GTPBP4: variants seen among roughly 807,000 people sequenced by gnomAD.
GTPBP4 encodes the protein GTP-binding protein 4.
GTPBP4 carries 15 observed loss-of-function variants against 81.7 expected under a neutral mutation model. The ratio of observed to expected loss-of-function variants is 0.18; its 90% confidence interval spans 0.12 to 0.28. The LOEUF (loss-of-function observed/expected upper bound fraction) is 0.28, where lower values mean the gene tolerates loss of function less well. Ranked by LOEUF, GTPBP4 falls within the 10% of genes least tolerant of loss-of-function variation. The pLI, the probability that GTPBP4 is intolerant of heterozygous loss-of-function variation, is 1.00. For synonymous variants in GTPBP4, 272 were observed against 274.6 expected (o/e 0.99, Z 0.09); for missense variants, 847 against 793.8 (o/e 1.07, Z -0.81).
chr10:1,015,036 G>A (rs1831950284), intron 15 of GTPBP4, among the ~76,000 whole-genome samples: 1 of 152,214 alleles, frequency 6.6e-6, no homozygotes, highest in Non-Finnish European at 1.5e-5. Context: ...CCCCCAAAAT[G>A]GGGCAGTGAG....
At chr10:1,001,593 C>G (rs572680095) in intron 8 of GTPBP4, among the ~76,000 whole-genome samples, 30 of 152,014 alleles carry the variant, frequency 2.0e-4, no homozygotes, top group African/African-American at 6.3e-4. Context: ...CCTGGCCCAG[C>G]AATGTCAGCA....
intron 8 of GTPBP4, 132 bp downstream of exon 8, chr10:1,001,145 C>T: frequency 1.5e-6 from 1 of 650,728 alleles, no homozygotes; most frequent in East Asian, 2.7e-5. Flanking sequence ...AGATAATATC[C>T]TCAGTGGTTT....
Position 1,015,828 on chromosome 10 carries a change from T to A in GTPBP4, c.1684T>A (p.Ser562Thr). ...KRKREDSAPP[S>T]SVARSGSCSR... is the part of the protein sequence containing the mutation. ...AAAGCGGGAAGACTCTGCTCCCCCGTCCTCTGTGGCCCGGAGTGGGAGTTG... is the reference window on the plus strand; with the variant it reads ...AAAGCGGGAAGACTCTGCTCCCCCGACCTCTGTGGCCCGGAGTGGGAGTTG... The change falls in exon 16 of 17, where the codon TCC (serine) becomes ACC (threonine). Residue 562 changes from serine to threonine, a missense_variant. By Grantham distance (58) the Ser-to-Thr change is moderately conservative (BLOSUM62 1). This residue lies in a region of GTPBP4 where 600 missense variants were observed against 557.1 expected (regional missense o/e 1.08). Transcript: ENST00000360803. 1.9e-6 allele frequency: 3 copies of A among 1,614,086 alleles called. No homozygotes were observed. The highest frequency in any genetic ancestry group is 1.7e-4 in the Middle Eastern group (1 of 6,060).
Position 996,254 on chromosome 10 carries a change from G to A in GTPBP4, c.460+12G>A, listed in dbSNP as rs765047349. The A allele has an allele frequency of 2.8e-5, 45 of 1,606,470 alleles. No homozygotes were observed. Among genetic ancestry groups the A allele is most frequent in the African/African-American group, 5.4e-5 (4 of 74,510 alleles). On this transcript the variant is annotated intron_variant, in intron 4 of 16. Coordinates refer to ENST00000360803, the MANE Select transcript of GTPBP4 (RefSeq NM_012341.3). ...GTATTTGGAGCAAGGTGCTTGTCAC[G>A]CATCCGCGGGAACCGTGCTAGCATC...
chr10:1,014,772 G>C (rs1831945457), intron 15 of GTPBP4, among the ~76,000 whole-genome samples: 1 of 152,088 alleles, frequency 6.6e-6, no homozygotes, highest in African/African-American at 2.4e-5. Flanking sequence ...CTGGCCCTGG[G>C]ACTGACTTGA....
chr10:990,193 C>G (rs1230721530), intron 1 of GTPBP4, among the ~76,000 whole-genome samples: 1 of 152,010 alleles, frequency 6.6e-6, no homozygotes, highest in African/African-American at 2.4e-5. Flanking sequence ...ATACACCATC[C>G]GTCTTCTGTT....
intron 9 of GTPBP4, among the ~76,000 whole-genome samples, chr10:1,006,343 A>G (rs1172911789): frequency 1.3e-5 from 2 of 152,206 alleles, no homozygotes; most frequent in African/African-American, 2.4e-5. Context: ...TATCTCAAAT[A>G]AAAGGACATT....
chr10:991,829 G>A (rs1166817615), intron 1 of GTPBP4, among the ~76,000 whole-genome samples: 2 of 148,856 alleles, frequency 1.3e-5, no homozygotes, highest in Non-Finnish European at 3.0e-5. Flanking sequence ...CCGAGTAGCT[G>A]GGACTACAGG....
At chr10:1,016,733 C>T (rs1832000743) in intron 16 of GTPBP4, among the ~76,000 whole-genome samples, 1 of 152,152 alleles carries the variant, frequency 6.6e-6, no homozygotes, top group Non-Finnish European at 1.5e-5. Flanking sequence ...AGTCTTTATA[C>T]AAAAATACTC....
At chr10:1,007,803 C>A (rs530832965) in intron 10 of GTPBP4, 1 of 470,510 alleles carries the variant, frequency 2.1e-6, no homozygotes, top group Non-Finnish European at 4.2e-6. Flanking sequence ...GACTGTCAGT[C>A]TTGTGTAAAG....
At chr10:993,858 C>T (rs1244487922) in intron 2 of GTPBP4, among the ~76,000 whole-genome samples, 1 of 151,846 alleles carries the variant, frequency 6.6e-6, no homozygotes, top group African/African-American at 2.4e-5. Flanking sequence ...CTCCCAGGTT[C>T]AAGCGATTCT....
intron 14 of GTPBP4, among the ~76,000 whole-genome samples, chr10:1,012,998 G>T (rs11253574): frequency 0.71 from 108,512 of 151,776 alleles, 39,943 homozygotes; most frequent in Non-Finnish European, 0.82. Context: ...TTTTTTTTAG[G>T]GGGGAGATGG....
At position 1,001,836 on chromosome 10, in the gene GTPBP4, T is replaced by C. The variant is rs116397762; in HGVS notation, c.912+823T>C. Reference sequence around the variant, plus strand: ...ATGGTCTATCCTGGAGAATGTTTCATGGACTGAGGAGAGGAATGTGTTTTA... The same window carrying C: ...ATGGTCTATCCTGGAGAATGTTTCACGGACTGAGGAGAGGAATGTGTTTTA... On this transcript the variant is annotated intron_variant, in intron 8 of 16. Coordinates refer to ENST00000360803, the MANE Select transcript of GTPBP4 (RefSeq NM_012341.3). Among the ~76,000 whole-genome samples the C allele has an allele frequency of 7.5e-3, 1,138 of 152,274 alleles. 15 individuals are homozygous for C. The highest frequency in any genetic ancestry group is 0.025 in the African/African-American group (1,059 of 41,564).
At position 1,007,001 on chromosome 10, in the gene GTPBP4, C is replaced by CT. The variant is rs1831750538; in HGVS notation, c.1003-11dup. 3 of 1,540,744 alleles carry CT rather than the reference C, an allele frequency of 1.9e-6. No homozygotes were observed. The highest frequency in any genetic ancestry group is 1.4e-5 in the African/African-American group (1 of 73,542). ...GAGGATGCGTTTGTGACTGTGCCTT[C>CT]TTTTTTACGTTATTAGGCTTGCGAT... On this transcript the variant is annotated splice_polypyrimidine_tract_variant and intron_variant, in intron 9 of 16. Transcript: ENST00000360803.
intron 1 of GTPBP4, chr10:988,816 G>A (rs567819395): frequency 1.1e-5 from 4 of 366,706 alleles, no homozygotes; most frequent in Admixed American, 4.7e-5. Context: ...TGGGTTCCCT[G>A]GAGGGGCCCC....
intron 1 of GTPBP4, among the ~76,000 whole-genome samples, chr10:989,771 C>T (rs370580249): frequency 3.9e-5 from 6 of 152,116 alleles, no homozygotes; most frequent in African/African-American, 4.8e-5. Flanking sequence ...GATGGAGTCT[C>T]GCTCTGTTGG....
chr10:1,009,963 C>G (rs1252406479), intron 12 of GTPBP4, among the ~76,000 whole-genome samples: 1 of 151,908 alleles, frequency 6.6e-6, no homozygotes, highest in Non-Finnish European at 1.5e-5. Flanking sequence ...CCTCTGCCCT[C>G]CAGCCTGGAC....
Position 1,017,075 on chromosome 10 carries a change from A to T in GTPBP4, c.1753A>T (p.Met585Leu), listed in dbSNP as rs145057181. Residue 585 changes from methionine to leucine, a missense_variant and splice_region_variant, in exon 17 of 17, where the codon ATG becomes TTG. Coordinates refer to ENST00000360803, the MANE Select transcript of GTPBP4 (RefSeq NM_012341.3). ...RDVSGLRDVKMVKKAKTMMKN... is the reference protein window; with the variant it reads ...RDVSGLRDVKLVKKAKTMMKN... ...CTTTATTTTTTTCTCCTCCTTTTAG[A>T]TGGTGAAGAAAGCCAAGACTATGAT... The T allele has an allele frequency of 1.7e-4, 279 of 1,608,212 alleles. 1 individual carries two copies. The African/African-American group carries it at 3.4e-3, about 20-fold the overall frequency.
intron 16 of GTPBP4, 37 bp from the exon 17 acceptor site, chr10:1,017,038 G>C (rs577744884): frequency 4.4e-6 from 7 of 1,576,974 alleles, no homozygotes; most frequent in Non-Finnish European, 6.1e-6. Context: ...TTGGTTTTAA[G>C]TAATGAACAT....
Sources: gnomAD v4.1 joint callset for allele counts (sites outside exome capture counted in the v4.1 genomes callset) on GRCh38, gnomAD v4.1.1 for gene constraint, gnomAD v4.1.1 regional missense constraint, MANE v1.5 for transcripts, NCBI Gene and HGNC (gene_info 2026-07-23, HGNC 2026-07-21) for gene names.